RNF10: variants seen among roughly 807,000 people sequenced by gnomAD.
The protein encoded by RNF10 is E3 ubiquitin-protein ligase RNF10.
RNF10 carries 38 observed loss-of-function variants against 91.4 expected under a neutral mutation model. The ratio of observed to expected loss-of-function variants is 0.42; its 90% CI spans 0.32 to 0.54. The LOEUF (loss-of-function observed/expected upper bound fraction) is 0.54. Among genes scored for constraint, RNF10 ranks in the 20% least tolerant of loss-of-function variants. The probability of loss-of-function intolerance (pLI) is 0.16; values close to 1 mark genes in which losing one functional copy is unlikely to be tolerated. For missense variants in RNF10, 945 were observed against 1,012.0 expected, an observed-to-expected ratio of 0.93 and a Z score of 0.90; for synonymous variants, 364 against 366.3, an observed-to-expected ratio of 0.99 and a Z score of 0.07.
intron 3 of RNF10, 141 bp from the exon 4 acceptor site, chr12:120,554,577 T>C (rs146236915): frequency 1.1e-5 from 7 of 649,296 alleles, no homozygotes; most frequent in Non-Finnish European, 1.9e-5. Context: ...GAACTGAGGC[T>C]GAGGTCCTAG....
intron 10 of RNF10, among the ~76,000 whole-genome samples, chr12:120,564,729 G>GT (rs1280952998): frequency 6.6e-6 from 1 of 152,086 alleles, no homozygotes; most frequent in African/African-American, 2.4e-5. Flanking sequence ...TTTCTGTTCT[G>GT]TTTTTCTGCC....
intron 3 of RNF10, among the ~76,000 whole-genome samples, chr12:120,553,628 C>A (rs1333380840): frequency 2.0e-5 from 3 of 151,988 alleles, no homozygotes; most frequent in African/African-American, 7.2e-5. Flanking sequence ...TGGTCTTGAT[C>A]TCCTGACTTC....
intron 14 of RNF10, among the ~76,000 whole-genome samples, chr12:120,572,732 G>A (rs1876829060): frequency 6.6e-6 from 1 of 151,378 alleles, no homozygotes; most frequent in Non-Finnish European, 1.5e-5. Context: ...GGTAGCTGGG[G>A]TTGGGTTACA....
At chr12:120,568,456 C>T (rs1354642609) in intron 13 of RNF10, among the ~76,000 whole-genome samples, 1 of 151,184 alleles carries the variant, frequency 6.6e-6, no homozygotes, top group African/African-American at 2.4e-5. Flanking sequence ...TCTTCATCTG[C>T]CTGGCACATG....
chr12:120,534,482 C>T lies in RNF10; in HGVS notation c.-330C>T, dbSNP rs1389602503. The T allele has an allele frequency of 9.2e-6, 2 of 217,014 alleles. No homozygotes were observed. Among genetic ancestry groups the T allele is most frequent in the Non-Finnish European group, 1.8e-5 (2 of 111,518 alleles). The allele number at this position is 217,014 out of a possible 1,614,324, so 13.4% of individuals were successfully genotyped here. On this transcript the variant is annotated 5_prime_UTR_variant, in exon 1 of 17. Transcript: ENST00000325954. Reference sequence around the variant, plus strand: ...GCCAGCCCTCTCCCCTGCCTCGCGGCGGGAGAGCGTGTCCGGCCGGCCGGC... The same window carrying T: ...GCCAGCCCTCTCCCCTGCCTCGCGGTGGGAGAGCGTGTCCGGCCGGCCGGC...
chr12:120,574,403 T>A (rs1231558540), intron 14 of RNF10: 2 of 455,422 alleles, frequency 4.4e-6, no homozygotes, highest in Admixed American at 4.7e-5. Flanking sequence ...AAAGCTGGCC[T>A]TGGCCAAGTG....
At position 120,557,694 on chromosome 12, in the gene RNF10, A is replaced by C. The variant is rs762445284; in HGVS notation, c.967+12A>C. On this transcript the variant is annotated intron_variant, in intron 6 of 16. Transcript: ENST00000325954. ...CATTCATCTAGGAGGTGAGTTCTTT[A>C]AATTTTGGGGACAAATAATCCTGGG... is the stretch of plus-strand genomic sequence containing the variant. 6.2e-7 allele frequency: 1 copy of C among 1,614,036 alleles called. No homozygotes were observed. Among genetic ancestry groups the C allele is most frequent in the South Asian group, 1.1e-5 (1 of 91,078 alleles).
At chr12:120,563,679 C>T (rs1045240272) in intron 9 of RNF10, 56 bp downstream of exon 9, 51 of 1,567,350 alleles carry the variant, frequency 3.3e-5, no homozygotes, top group Middle Eastern at 1.9e-4. Flanking sequence ...AGAGGTGACC[C>T]GGTGCTCTAA....
chr12:120,556,170 T>A (rs1593081953), intron 4 of RNF10, among the ~76,000 whole-genome samples: 2 of 152,204 alleles, frequency 1.3e-5, no homozygotes, highest in South Asian at 4.2e-4. Context: ...CCTAGTAGGG[T>A]ATCTGTTGAA....
Position 120,566,956 on chromosome 12 carries a change from A to G in RNF10, c.2017A>G (p.Ser673Gly), listed in dbSNP as rs1436494979. The change falls in exon 13 of 17, where the codon AGC becomes GGC. Residue 673 changes from serine (S) to glycine (G), a missense_variant. Physicochemically the swap from Ser to Gly is moderately conservative, Grantham distance 56. Transcript: ENST00000325954. ...GHGALSISPLSRSPGSHADFL... is the reference protein window; with the variant it reads ...GHGALSISPLGRSPGSHADFL... ...TGGGGCCCTCTCCATTTCTCCTCTC[A>G]GCAGAAGTCCAGGTTCCCATGCAGG... 1.2e-6 allele frequency: 2 copies of G among 1,606,290 alleles called. No homozygotes were observed. The highest frequency in any genetic ancestry group is 1.1e-5 in the South Asian group (1 of 89,508).
chr12:120,554,459 A>G (rs563407703), intron 3 of RNF10: 16 of 405,566 alleles, frequency 3.9e-5, no homozygotes, highest in African/African-American at 2.7e-4. Context: ...ATTTTAGTTC[A>G]AGGGATGCCT....
chr12:120,570,496 T>G (rs1876469176), intron 13 of RNF10, among the ~76,000 whole-genome samples: 1 of 152,126 alleles, frequency 6.6e-6, no homozygotes, highest in Admixed American at 6.6e-5. Context: ...TTCTGAAAGT[T>G]TAAGCTTTTA....
chr12:120,543,068 C>T (rs1340221496), intron 1 of RNF10, among the ~76,000 whole-genome samples: 3 of 152,138 alleles, frequency 2.0e-5, no homozygotes, highest in South Asian at 2.1e-4. Flanking sequence ...TGGTTGCTTT[C>T]AAAATTTGGT....
chr12:120,548,565 T>C (rs1379085649), intron 2 of RNF10, among the ~76,000 whole-genome samples: 1 of 152,064 alleles, frequency 6.6e-6, no homozygotes, highest in Non-Finnish European at 1.5e-5. Flanking sequence ...AACAGCAAAT[T>C]TACACAGTAC....
At chr12:120,557,193 T>C in intron 4 of RNF10, 89 bp from the exon 5 acceptor site, 1 of 1,113,788 alleles carries the variant, frequency 9.0e-7, no homozygotes, top group Non-Finnish European at 1.3e-6. Context: ...ATGAGAGAGA[T>C]GCGGATGAGA....
intron 1 of RNF10, among the ~76,000 whole-genome samples, chr12:120,539,809 T>C: frequency 6.6e-6 from 1 of 152,162 alleles, no homozygotes; most frequent in Non-Finnish European, 1.5e-5. Flanking sequence ...TTGTTCTCAG[T>C]GGTGGCTGTG....
rs776194203 is a variant in RNF10, at chr12:120,566,942, C to G, written c.2003C>G (p.Ser668Cys). Residue 668 changes from serine (S) to cysteine (C), a missense_variant, in exon 13 of 17, where the codon TCC (serine) becomes TGC (cysteine). By Grantham distance (112) the Ser-to-Cys change is moderately radical. Coordinates refer to ENST00000325954, the MANE Select transcript of RNF10 (RefSeq NM_014868.5). ...PTSTEGHGALSISPLSRSPGS... is the reference protein window; with the variant it reads ...PTSTEGHGALCISPLSRSPGS... The stretch of plus-strand genomic sequence containing the variant: ...AGCACCGAGGGCCATGGGGCCCTCT[C>G]CATTTCTCCTCTCAGCAGAAGTCCA... 2 of 1,610,742 alleles carry G rather than the reference C, an allele frequency of 1.2e-6. No individual in the cohort carries two copies. The highest frequency in any genetic ancestry group is 8.5e-7 in the Non-Finnish European group (1 of 1,179,148).
intron 14 of RNF10, chr12:120,575,270 C>G (rs1877236360): frequency 3.8e-6 from 1 of 260,056 alleles, no homozygotes; most frequent in Non-Finnish European, 7.5e-6. Flanking sequence ...TCACTGCTTC[C>G]TCCGACAGCT....
intron 1 of RNF10, 61 bp from the exon 2 acceptor site, chr12:120,546,344 G>A (rs1031938931): frequency 2.7e-6 from 4 of 1,484,442 alleles, no homozygotes; most frequent in Non-Finnish European, 3.7e-6. Flanking sequence ...GAGGTGGAGG[G>A]CAGTTGGCTA....
Sources: allele counts gnomAD v4.1 joint callset (sites outside exome capture counted in the v4.1 genomes callset), GRCh38; gene constraint gnomAD v4.1.1; transcripts MANE v1.5; gene names NCBI Gene and HGNC (gene_info 2026-07-23, HGNC 2026-07-21).